COL13A1: variants seen among roughly 807,000 people sequenced by gnomAD.
COL13A1 encodes collagen alpha-1(XIII) chain.
In COL13A1, 89 loss-of-function variants were observed where a neutral mutation model predicts 130.9. The observed-to-expected ratio is 0.68, with a 90% confidence interval of 0.57 to 0.81. The LOEUF (loss-of-function observed/expected upper bound fraction) is 0.81, where lower values mean the gene tolerates loss of function less well. Among genes scored for constraint, COL13A1 ranks in the 30% least tolerant of loss-of-function variants. The pLI is 0.00. For missense variants in COL13A1, 879 were observed against 934.6 expected, an observed-to-expected ratio of 0.94 and a Z score of 0.78; for synonymous variants, 402 against 341.6, an observed-to-expected ratio of 1.18 and a Z score of -1.95.
chr10:69,868,759 C>G (rs12146294), intron 3 of COL13A1, among the ~76,000 whole-genome samples: 31,349 of 152,174 alleles, frequency 0.21, 3,516 homozygotes, highest in Middle Eastern at 0.28. Flanking sequence ...CTGAAAGGCC[C>G]TTGCACCCAC....
chr10:69,920,639 G>A (rs1462507114), intron 21 of COL13A1, among the ~76,000 whole-genome samples: 1 of 152,248 alleles, frequency 6.6e-6, no homozygotes, highest in Non-Finnish European at 1.5e-5. Flanking sequence ...CGGCAAGAAA[G>A]CTGTCATATT....
At chr10:69,896,903 T>C (rs372235723) in intron 13 of COL13A1, among the ~76,000 whole-genome samples, 1 of 152,224 alleles carries the variant, frequency 6.6e-6, no homozygotes, top group Non-Finnish European at 1.5e-5. Flanking sequence ...CTGTGTTTAT[T>C]TGAAACGATG....
intron 7 of COL13A1, among the ~76,000 whole-genome samples, chr10:69,882,033 T>A (rs2060191807): frequency 6.6e-6 from 1 of 152,190 alleles, no homozygotes; most frequent in Non-Finnish European, 1.5e-5. Context: ...GCTGCCCCGA[T>A]GGGCTTCAAG....
At chr10:69,917,714 C>T (rs1425993859) in intron 18 of COL13A1, among the ~76,000 whole-genome samples, 1 of 127,500 alleles carries the variant, frequency 7.8e-6, no homozygotes, top group Non-Finnish European at 1.7e-5. Context: ...TATCAGCTTT[C>T]ACAAAGCTGA....
intron 38 of COL13A1, among the ~76,000 whole-genome samples, chr10:69,949,963 T>C (rs930587757): frequency 1.3e-5 from 2 of 148,366 alleles, no homozygotes; most frequent in African/African-American, 5.1e-5. Flanking sequence ...TGTTTGTGTG[T>C]GCGTGTGTGT....
chr10:69,846,971 G>A (rs1338913891), intron 2 of COL13A1, among the ~76,000 whole-genome samples: 3 of 152,224 alleles, frequency 2.0e-5, no homozygotes, highest in Admixed American at 2.0e-4. Flanking sequence ...CTCACCCCAG[G>A]GTGCTGCTAG....
At chr10:69,937,946 C>T (rs2067155925) in intron 34 of COL13A1, among the ~76,000 whole-genome samples, 1 of 152,240 alleles carries the variant, frequency 6.6e-6, no homozygotes, top group Admixed American at 6.5e-5. Context: ...ACAGGCTCCC[C>T]CACCCCAAGG....
At chr10:69,870,509 C>T (rs1304090884) in intron 3 of COL13A1, among the ~76,000 whole-genome samples, 2 of 144,872 alleles carry the variant, frequency 1.4e-5, no homozygotes, top group Admixed American at 6.9e-5. Context: ...TTTTTAGAGA[C>T]GGGGTTTTGC....
chr10:69,937,163 C>T (rs1245637428), intron 33 of COL13A1, among the ~76,000 whole-genome samples: 2 of 152,202 alleles, frequency 1.3e-5, no homozygotes, highest in African/African-American at 2.4e-5. Flanking sequence ...GCTCTCCCGG[C>T]CTCCCCTGAA....
At chr10:69,859,859 AGAAAATGG>A (rs1857479865) in intron 2 of COL13A1, among the ~76,000 whole-genome samples, 1 of 152,250 alleles carries the variant, frequency 6.6e-6, no homozygotes, top group Non-Finnish European at 1.5e-5. Context: ...TCCCTCACTC[AGAAAATGG>A]GGCTGCTGAC....
chr10:69,930,779 T>A (rs1157976024), intron 30 of COL13A1, among the ~76,000 whole-genome samples: 1 of 152,210 alleles, frequency 6.6e-6, no homozygotes, highest in Non-Finnish European at 1.5e-5. Flanking sequence ...ATCTGTATCC[T>A]TGGGAAAGCC....
intron 2 of COL13A1, among the ~76,000 whole-genome samples, chr10:69,850,608 A>T (rs989205536): frequency 6.6e-6 from 1 of 151,610 alleles, no homozygotes; most frequent in Non-Finnish European, 1.5e-5. Context: ...TCTTTTACCA[A>T]TGGGCAAAGG....
intron 1 of COL13A1, among the ~76,000 whole-genome samples, chr10:69,810,822 G>A (rs978691501): frequency 6.6e-6 from 1 of 152,220 alleles, no homozygotes; most frequent in Non-Finnish European, 1.5e-5. Flanking sequence ...TGACACTCCC[G>A]CTCTCCCAGC....
Position 69,802,660 on chromosome 10 carries a change from C to A in COL13A1, c.237C>A (p.Arg79=), listed in dbSNP as rs202030509. 3.6e-4 allele frequency: 577 copies of A among 1,613,450 alleles called. 7 individuals are homozygous for A. The African/African-American group carries it at 7.1e-3, about 20-fold the overall frequency. Residue 79 remains arginine (R), a synonymous_variant, in exon 1 of 41, where the codon CGC becomes CGA. Coordinates refer to ENST00000645393, the MANE Select transcript of COL13A1 (RefSeq NM_001368882.1). ...QARVLRLEAE[R]GEQQMETAIL... ...GGGTGCTGCGCCTGGAAGCGGAGCGCGGGGAGCAGCAAATGGAGACGGCTA... is the reference window on the plus strand; with the variant it reads ...GGGTGCTGCGCCTGGAAGCGGAGCGAGGGGAGCAGCAAATGGAGACGGCTA...
At chr10:69,825,336 G>C (rs892992372) in intron 2 of COL13A1, among the ~76,000 whole-genome samples, 10 of 152,186 alleles carry the variant, frequency 6.6e-5, no homozygotes, top group African/African-American at 2.4e-4. Context: ...TAAGGCTCCT[G>C]ATCCTTGCAG....
chr10:69,879,533 A>G (rs1236492264), intron 6 of COL13A1: 1 of 152,180 alleles, frequency 6.6e-6, no homozygotes. Flanking sequence ...TATAAAAATT[A>G]TTGTATCATT....
intron 14 of COL13A1, among the ~76,000 whole-genome samples, chr10:69,901,899 A>C (rs1268108624): frequency 6.6e-6 from 1 of 152,202 alleles, no homozygotes; most frequent in African/African-American, 2.4e-5. Flanking sequence ...CAAGGGAATA[A>C]TAACAGCCTC....
chr10:69,829,282 GA>G, intron 2 of COL13A1: 5 of 984,848 alleles, frequency 5.1e-6, no homozygotes, highest in Non-Finnish European at 6.0e-6. Flanking sequence ...ACAGAAGCCA[GA>G]ATGGTATTTT....
At chr10:69,853,911 G>T (rs1855687904) in intron 2 of COL13A1, among the ~76,000 whole-genome samples, 1 of 152,210 alleles carries the variant, frequency 6.6e-6, no homozygotes. Context: ...GGGCATGGGG[G>T]ATTATGGATG....
Sources: allele counts gnomAD v4.1 joint callset (sites outside exome capture counted in the v4.1 genomes callset), GRCh38; gene constraint gnomAD v4.1.1; transcripts MANE v1.5; gene names NCBI Gene and HGNC (gene_info 2026-07-23, HGNC 2026-07-21).